ARHGAP39: variants seen among roughly 807,000 people sequenced by gnomAD.
ARHGAP39 encodes Rho GTPase activating protein 39.
A neutral mutation model predicts 106.9 loss-of-function variants in ARHGAP39; 44 were observed. That is an observed-to-expected ratio of 0.41 (90% CI 0.32 to 0.53). The LOEUF is 0.53. Ranked by LOEUF, ARHGAP39 falls within the 20% of genes least tolerant of loss-of-function variation. ARHGAP39 has a pLI of 0.21. For missense variants in ARHGAP39, 1,496 were observed against 1,577.3 expected (o/e 0.95, Z 0.87); for synonymous variants, 768 against 693.2 (o/e 1.11, Z -1.69).
chr8:144,672,897 G>A (rs551235536), intron 1 of ARHGAP39, among the ~76,000 whole-genome samples: 5 of 152,282 alleles, frequency 3.3e-5, no homozygotes, highest in African/African-American at 9.6e-5. Context: ...GGAGACCAGT[G>A]TAGCATCGCT....
chr8:144,597,349 G>A (rs1403532607), intron 2 of ARHGAP39, among the ~76,000 whole-genome samples: 2 of 152,226 alleles, frequency 1.3e-5, no homozygotes, highest in East Asian at 3.9e-4. Flanking sequence ...TCTTCTCTGG[G>A]TGGGGCCGAC....
At chr8:144,649,968 C>T (rs1217072465) in intron 1 of ARHGAP39, among the ~76,000 whole-genome samples, 2 of 152,012 alleles carry the variant, frequency 1.3e-5, no homozygotes, top group South Asian at 2.1e-4. Flanking sequence ...CATGGTGAAA[C>T]CCTGTTTCTA....
rs112069105 is a variant in ARHGAP39, at chr8:144,585,154, A to G, written c.81-3877T>C. 0.069 allele frequency among the ~76,000 whole-genome samples: 10,456 copies of G among 152,146 alleles called. 1,176 individuals are homozygous for G. Among genetic ancestry groups the G allele is most frequent in the African/African-American group, 0.23 (9,725 of 41,474 alleles). On this transcript the variant is annotated intron_variant, in intron 2 of 11. Transcript: ENST00000377307. The surrounding 1 kb of genome is among the most constrained non-coding windows in gnomAD (Gnocchi z 4.6). ...GCCCTGTGTCCCTCTCTGCTTTCAC[A>G]GGACCATTAAGGGAAACCCCACAGC... is the stretch of plus-strand genomic sequence containing the variant.
intron 2 of ARHGAP39, among the ~76,000 whole-genome samples, chr8:144,603,042 G>C (rs577606368): frequency 1.4e-5 from 2 of 139,116 alleles, no homozygotes; most frequent in East Asian, 4.6e-4. Context: ...CGTGCGTGGA[G>C]GCGTGTGTGT....
intron 2 of ARHGAP39, among the ~76,000 whole-genome samples, chr8:144,587,124 T>C (rs1819209533): frequency 1.3e-5 from 2 of 152,260 alleles, no homozygotes; most frequent in African/African-American, 4.8e-5. Flanking sequence ...TCCACCATGA[T>C]TGTTCCCTGG....
chr8:144,578,370 A>G (rs1818848275), intron 3 of ARHGAP39, among the ~76,000 whole-genome samples: 1 of 152,162 alleles, frequency 6.6e-6, no homozygotes, highest in African/African-American at 2.4e-5. Context: ...CTGGGATTAC[A>G]GGTGTGAACA....
intron 1 of ARHGAP39, among the ~76,000 whole-genome samples, chr8:144,637,878 T>TA (rs563418696): frequency 2.7e-3 from 416 of 151,514 alleles, no homozygotes; most frequent in African/African-American, 9.6e-3. Context: ...TTTTTTTTTT[T>TA]AGAGAGGGGT....
rs562466110 is a variant in ARHGAP39 at position 144,552,309 on chromosome 8, C to T, written c.596+3251G>A. On this transcript the variant is annotated intron_variant, in intron 4 of 11. Transcript: ENST00000377307. ...AGCAAAACAAAACCACAGCCAGAAG[C>T]GCGTCCCTGCTGCTGTCGCTCCTGA... Among the ~76,000 whole-genome samples, 293 of 152,370 alleles carry T rather than the reference C, an allele frequency of 1.9e-3. 2 individuals are homozygous for T. Among genetic ancestry groups the T allele is most frequent in the African/African-American group, 6.3e-3 (264 of 41,588 alleles).
rs560594660 is a variant in ARHGAP39, at chr8:144,604,375, T to C, written c.80+1160A>G. Among the ~76,000 whole-genome samples the C allele has an allele frequency of 6.6e-6, 1 of 152,278 alleles. No individual in the cohort carries two copies. The highest frequency in any genetic ancestry group is 1.9e-4 in the East Asian group (1 of 5,172). On this transcript the variant is annotated intron_variant, in intron 2 of 11. Coordinates refer to ENST00000377307, the MANE Select transcript of ARHGAP39 (RefSeq NM_025251.3). This position sits in a 1 kb window ranked among gnomAD's most constrained non-coding sequence, Gnocchi z 4.1. ...GACAAACCCAAACCAAGGAACTCTCTATTTTACTTTATTTACTGTGACACG... is the reference window on the plus strand; with the variant it reads ...GACAAACCCAAACCAAGGAACTCTCCATTTTACTTTATTTACTGTGACACG...
intron 6 of ARHGAP39, among the ~76,000 whole-genome samples, chr8:144,544,924 C>A (rs1011655438): frequency 1.3e-5 from 2 of 152,252 alleles, no homozygotes; most frequent in Admixed American, 6.5e-5. Flanking sequence ...ACGGCTGCTC[C>A]GCCCTCGGCG....
chr8:144,672,241 C>A (rs1343951515), intron 1 of ARHGAP39, among the ~76,000 whole-genome samples: 1 of 152,230 alleles, frequency 6.6e-6, no homozygotes, highest in Admixed American at 6.5e-5. Context: ...TCCGGGGAAA[C>A]TTACACTGCA....
chr8:144,692,590 G>A, the ARHGAP39 span, among the ~76,000 whole-genome samples: 2 of 152,090 alleles, frequency 1.3e-5, no homozygotes, highest in Non-Finnish European at 2.9e-5. Context: ...GCTGTGGACC[G>A]GCTTGCTCTT....
chr8:144,663,183 C>A (rs748231447), intron 1 of ARHGAP39, among the ~76,000 whole-genome samples: 5 of 151,850 alleles, frequency 3.3e-5, no homozygotes, highest in African/African-American at 4.8e-5. Flanking sequence ...CTCACTTGGC[C>A]TCTTGGTCAC....
intron 2 of ARHGAP39, among the ~76,000 whole-genome samples, chr8:144,589,134 C>T (rs977914098): frequency 2.0e-5 from 3 of 152,190 alleles, no homozygotes; most frequent in Non-Finnish European, 2.9e-5. Context: ...GCGAGGGTAT[C>T]GGTGGCCGGA....
chr8:144,636,986 T>C (rs1465492683), intron 1 of ARHGAP39, among the ~76,000 whole-genome samples: 3 of 152,242 alleles, frequency 2.0e-5, no homozygotes, highest in Non-Finnish European at 2.9e-5. Flanking sequence ...TGTGTCTTTC[T>C]GGAAGCTTTC....
At chr8:144,589,241 G>T (rs1819300041) in intron 2 of ARHGAP39, among the ~76,000 whole-genome samples, 1 of 152,238 alleles carries the variant, frequency 6.6e-6, no homozygotes, top group African/African-American at 2.4e-5. Flanking sequence ...CTTAAAAAAA[G>T]TAAGTAGTCT....
chr8:144,589,460 G>C (rs141047234), intron 2 of ARHGAP39, among the ~76,000 whole-genome samples: 2,971 of 152,248 alleles, frequency 0.02, 74 homozygotes, highest in Admixed American at 0.064. Flanking sequence ...GAACTCCTCT[G>C]ACACTAACAG....
chr8:144,687,852 T>G (rs1277702614), upstream of ARHGAP39, among the ~76,000 whole-genome samples: 1 of 124,156 alleles, frequency 8.1e-6, no homozygotes, highest in Non-Finnish European at 1.6e-5. Context: ...ACACTAGCAG[T>G]GAGCACTTCC....
At chr8:144,649,436 C>T (rs973542773) in intron 1 of ARHGAP39, among the ~76,000 whole-genome samples, 2 of 151,130 alleles carry the variant, frequency 1.3e-5, no homozygotes, top group African/African-American at 4.9e-5. Context: ...GGTGACAGAG[C>T]GAGACTCCGT....
Sources: gnomAD v4.1 joint callset for allele counts (sites outside exome capture counted in the v4.1 genomes callset) on GRCh38, gnomAD v4.1.1 for gene constraint, Gnocchi (gnomAD v3.1) non-coding constraint, MANE v1.5 for transcripts, NCBI Gene and HGNC (gene_info 2026-07-23, HGNC 2026-07-21) for gene names.